The following PCDHAC1 variants were observed in gnomAD, a reference collection of about 807,000 sequenced individuals.
The protein encoded by PCDHAC1 is protocadherin alpha subfamily C, 1.
PCDHAC1 carries 42 observed loss-of-function variants against 60.0 expected under a neutral mutation model. The ratio of observed to expected loss-of-function variants is 0.70; its 90% confidence interval spans 0.55 to 0.90. The LOEUF (loss-of-function observed/expected upper bound fraction) is 0.90. Among genes scored for constraint, PCDHAC1 ranks in the 40% least tolerant of loss-of-function variants. The probability of loss-of-function intolerance (pLI) is 0.00; values close to 1 mark genes in which losing one functional copy is unlikely to be tolerated. For missense variants in PCDHAC1, 1,160 were observed against 1,222.3 expected (o/e 0.95, Z 0.76); for synonymous variants, 468 against 499.3 (o/e 0.94, Z 0.84).
chr5:140,933,379 G>T (rs1403607512), intron 1 of PCDHAC1, among the ~76,000 whole-genome samples: 1 of 151,928 alleles, frequency 6.6e-6, no homozygotes, highest in Non-Finnish European at 1.5e-5. Flanking sequence ...TTCCTTGGCT[G>T]TTCCTAGAGC....
intron 1 of PCDHAC1, 35 bp downstream of exon 1, chr5:140,929,360 C>G (rs781864515): frequency 5.3e-6 from 8 of 1,519,748 alleles, no homozygotes; most frequent in Non-Finnish European, 6.2e-6. Flanking sequence ...TTCCTTTGGC[C>G]CGGAGATGGC....
intron 1 of PCDHAC1, among the ~76,000 whole-genome samples, chr5:140,930,607 G>T (rs536411934): frequency 2.4e-4 from 36 of 152,252 alleles, no homozygotes; most frequent in African/African-American, 7.5e-4. Flanking sequence ...AATCCTAGAT[G>T]CAAGAGAAGG....
rs1005130215 is a variant in PCDHAC1 at position 140,976,643 on chromosome 5, A to G, written c.2434-2306A>G. On this transcript the variant is annotated intron_variant, in intron 1 of 3. Coordinates refer to ENST00000253807, the MANE Select transcript of PCDHAC1 (RefSeq NM_018898.5). ...AGCTGAACTCAGCAATCAGACAAGT[A>G]ATTTAATCTCTCCAAAGTTCAGATG... Among the ~76,000 whole-genome samples the G allele has an allele frequency of 2.0e-5, 3 of 152,236 alleles. No homozygotes were observed. In the South Asian group the frequency reaches 6.2e-4, roughly 31 times the overall value.
chr5:140,982,218 G>T, intron 2 of PCDHAC1: 1 of 523,694 alleles, frequency 1.9e-6, no homozygotes, highest in South Asian at 3.9e-5. Flanking sequence ...GCCACATGGC[G>T]TTAATAAAAA....
chr5:141,011,745 A>G lies in PCDHAC1; in HGVS notation c.*1808A>G, dbSNP rs1378591918. 3 of 153,762 alleles carry G rather than the reference A, an allele frequency of 2.0e-5. No individual in the cohort carries two copies. The highest frequency in any genetic ancestry group is 1.9e-4 in the East Asian group (1 of 5,196). 9.5% of individuals were successfully genotyped at this position (153,762 alleles called of 1,614,324 possible). ...GGGTGTGCAAGCACAAATTTTACCA[A>G]TCTGACCTCTTTGAAGTTGCAGAAT... On this transcript the variant is annotated 3_prime_UTR_variant, in exon 4 of 4. Coordinates refer to ENST00000253807, the MANE Select transcript of PCDHAC1 (RefSeq NM_018898.5).
At chr5:140,968,995 A>G in intron 1 of PCDHAC1, 2 of 1,614,200 alleles carry the variant, frequency 1.2e-6, no homozygotes, top group Non-Finnish European at 1.7e-6. Flanking sequence ...CATGCTGTGG[A>G]GGCTTCTGTG....
At position 141,010,025 on chromosome 5, in the gene PCDHAC1, A is replaced by T; in HGVS notation, c.*88A>T. On this transcript the variant is annotated 3_prime_UTR_variant, in exon 4 of 4. Coordinates refer to ENST00000253807, the MANE Select transcript of PCDHAC1 (RefSeq NM_018898.5). ...TAGCAATTCCCTGCTCCTTTTTCCT[A>T]TCTACATGAGCCCTCTTAGAGACCT... The T allele has an allele frequency of 6.4e-7, 1 of 1,573,940 alleles. No homozygotes were observed. The highest frequency in any genetic ancestry group is 1.2e-5 in the South Asian group (1 of 82,592).
chr5:140,966,541 G>C (rs2096018356), intron 1 of PCDHAC1: 3 of 462,844 alleles, frequency 6.5e-6, no homozygotes, highest in African/African-American at 2.0e-5. Context: ...TGAGCGACTC[G>C]GAGGCGAGCG....
intron 1 of PCDHAC1, chr5:140,967,546 C>T (rs199955615): frequency 6.8e-6 from 11 of 1,613,824 alleles, no homozygotes; most frequent in Non-Finnish European, 8.5e-6. Context: ...TTGACCAGTC[C>T]ACTTATCGCG....
intron 1 of PCDHAC1, among the ~76,000 whole-genome samples, chr5:140,937,675 G>A (rs2091663642): frequency 6.6e-6 from 1 of 151,688 alleles, no homozygotes; most frequent in Admixed American, 6.6e-5. Flanking sequence ...CACTTTGGGA[G>A]GCTGAGGCAG....
rs2153584735 is a variant in PCDHAC1 at position 140,926,797 on chromosome 5, T to C, written c.-96T>C. ...GCAGTGACGGCCGGCAGGAGCGTGC[T>C]CTTCCCCGCGGCTCGTGCTCTCCAG... On this transcript the variant is annotated 5_prime_UTR_variant, in exon 1 of 4. Coordinates refer to ENST00000253807, the MANE Select transcript of PCDHAC1 (RefSeq NM_018898.5). The C allele has an allele frequency of 1.4e-6, 2 of 1,450,476 alleles. No individual in the cohort carries two copies. The highest frequency in any genetic ancestry group is 2.7e-5 in the Admixed American group (1 of 37,248). 89.9% of individuals were successfully genotyped at this position (1,450,476 alleles called of 1,614,324 possible).
At chr5:140,950,821 G>T (rs1361371532) in intron 1 of PCDHAC1, among the ~76,000 whole-genome samples, 8 of 152,020 alleles carry the variant, frequency 5.3e-5, no homozygotes, top group Non-Finnish European at 4.4e-5. Context: ...TAGGGTTAAA[G>T]TTTGGTCCTT....
rs782499434 is a variant in PCDHAC1 at position 140,927,515 on chromosome 5, G to A, written c.623G>A (p.Gly208Asp). ...CTGCTGGTGCTTACAGCTCGGGACG[G>A]CGGGCTACCTGCCCGCTCAGGAGAC... is the stretch of plus-strand genomic sequence containing the variant. ...THLLVLTARDGGLPARSGDAQ... is the reference protein window; with the variant it reads ...THLLVLTARDDGLPARSGDAQ... The change falls in exon 1 of 4, where the codon GGC becomes GAC. Residue 208 changes from glycine (G) to aspartate (D), a missense_variant. Transcript: ENST00000253807. 2 of 1,614,100 alleles carry A rather than the reference G, an allele frequency of 1.2e-6. No homozygotes were observed. Among genetic ancestry groups the A allele is most frequent in the South Asian group, 1.1e-5 (1 of 91,082 alleles).
chr5:140,955,297 T>C (rs2153705828), intron 1 of PCDHAC1, among the ~76,000 whole-genome samples: 1 of 152,262 alleles, frequency 6.6e-6, no homozygotes, highest in East Asian at 1.9e-4. Context: ...TTTGGCTGTG[T>C]CCCCACCCAA....
chr5:140,945,597 A>G (rs374286655), intron 1 of PCDHAC1, among the ~76,000 whole-genome samples: 11 of 152,170 alleles, frequency 7.2e-5, no homozygotes, highest in Non-Finnish European at 1.2e-4. Context: ...CTTCAAAGCT[A>G]TAATAATCAA....
At chr5:140,965,496 ATTTTTT>A (rs71766133) in intron 1 of PCDHAC1, among the ~76,000 whole-genome samples, 2 of 146,442 alleles carry the variant, frequency 1.4e-5, no homozygotes, top group African/African-American at 2.5e-5. Flanking sequence ...ATGACAGCAG[ATTTTTT>A]TTTTTTTTTA....
intron 3 of PCDHAC1, among the ~76,000 whole-genome samples, chr5:141,004,872 C>T (rs1242067093): frequency 6.6e-6 from 1 of 152,042 alleles, no homozygotes; most frequent in Non-Finnish European, 1.5e-5. Context: ...GTTTCTCATC[C>T]CTAAAGTGCT....
At chr5:141,007,573 T>G (rs2153992759) in intron 3 of PCDHAC1, among the ~76,000 whole-genome samples, 1 of 151,796 alleles carries the variant, frequency 6.6e-6, no homozygotes, top group African/African-American at 2.4e-5. Context: ...ATCTCAAATT[T>G]AAAAAATAAT....
intron 1 of PCDHAC1, among the ~76,000 whole-genome samples, chr5:140,965,088 G>A (rs1390840466): frequency 4.6e-5 from 7 of 152,196 alleles, no homozygotes; most frequent in Non-Finnish European, 8.8e-5. Context: ...CTTTGTTCCA[G>A]TCCATAGCTA....
Sources: allele counts gnomAD v4.1 joint callset (sites outside exome capture counted in the v4.1 genomes callset), GRCh38; gene constraint gnomAD v4.1.1; transcripts MANE v1.5; gene names NCBI Gene and HGNC (gene_info 2026-07-23, HGNC 2026-07-21).